The following PTPRN2 variants were observed in gnomAD, a reference collection of about 807,000 sequenced individuals.
The protein encoded by PTPRN2 is protein tyrosine phosphatase receptor type N2.
Under a neutral mutation model 118.8 loss-of-function variants are expected in PTPRN2, and 74 were observed. The observed-to-expected ratio is 0.62, with a 90% CI of 0.52 to 0.76. The LOEUF is 0.76. Ranked by LOEUF, PTPRN2 falls within the 30% of genes least tolerant of loss-of-function variation. The pLI is 0.00. For synonymous variants in PTPRN2, 641 were observed against 608.0 expected, an observed-to-expected ratio of 1.05 and a Z score of -0.80; for missense variants, 1,481 against 1,394.4, an observed-to-expected ratio of 1.06 and a Z score of -0.99.
Position 157,885,196 on chromosome 7 carries a change from T to C in PTPRN2, c.1788+13477A>G, listed in dbSNP as rs998558352. On this transcript the variant is annotated intron_variant, in intron 12 of 22. Transcript: ENST00000389418. ...CAGTGGCTGCCCTGATAAGTGATTA[T>C]GGAAAATGTGATGCCAGGGCGGTCT... Among the ~76,000 whole-genome samples the C allele has an allele frequency of 2.0e-4, 30 of 152,070 alleles. 1 individual carries two copies. The highest frequency in any genetic ancestry group is 7.2e-4 in the African/African-American group (30 of 41,392).
intron 2 of PTPRN2, among the ~76,000 whole-genome samples, chr7:158,363,620 C>T (rs747467875): frequency 3.3e-5 from 5 of 152,156 alleles, no homozygotes; most frequent in African/African-American, 9.7e-5. Context: ...GAGAGAACCG[C>T]GCATGCTGAT....
At chr7:158,387,615 G>A (rs572455865) in intron 2 of PTPRN2, among the ~76,000 whole-genome samples, 16 of 152,400 alleles carry the variant, frequency 1.0e-4, no homozygotes, top group South Asian at 2.1e-4. Flanking sequence ...AGCTGAAGGC[G>A]GAGAGCTGCT....
intron 11 of PTPRN2, among the ~76,000 whole-genome samples, chr7:157,980,254 G>A (rs1454494341): frequency 6.6e-6 from 1 of 152,232 alleles, no homozygotes; most frequent in African/African-American, 2.4e-5. Flanking sequence ...CTGCACACCA[G>A]AGGGTAATTC....
intron 10 of PTPRN2, among the ~76,000 whole-genome samples, chr7:158,091,571 T>C (rs1330493458): frequency 1.3e-5 from 2 of 151,838 alleles, no homozygotes; most frequent in Non-Finnish European, 2.9e-5. Flanking sequence ...CATGAATAGA[T>C]GGGTGCGTGA....
chr7:157,627,465 C>T lies in PTPRN2; in HGVS notation c.2197-5956G>A, dbSNP rs1346180896. 6.6e-6 allele frequency among the ~76,000 whole-genome samples: 1 copy of T among 152,174 alleles called. No homozygotes were observed. The highest frequency in any genetic ancestry group is 1.9e-4 in the East Asian group (1 of 5,188). The stretch of plus-strand genomic sequence containing the variant: ...ATCTCAGTCGATGCAGGCTGAAGTG[C>T]TTAGGGAAGTTGGAGTTGCTGTCTG... On this transcript the variant is annotated intron_variant, in intron 14 of 22. Transcript: ENST00000389418. This position sits in a 1 kb window ranked among gnomAD's most constrained non-coding sequence, Gnocchi z 4.2.
intron 12 of PTPRN2, among the ~76,000 whole-genome samples, chr7:157,827,327 G>T (rs1807240844): frequency 6.6e-6 from 1 of 151,790 alleles, no homozygotes; most frequent in African/African-American, 2.4e-5. Flanking sequence ...GTTTTGAGAG[G>T]TGGGCACCCA....
intron 6 of PTPRN2, among the ~76,000 whole-genome samples, chr7:158,145,996 T>G (rs916663194): frequency 6.6e-6 from 1 of 152,200 alleles, no homozygotes; most frequent in Non-Finnish European, 1.5e-5. Flanking sequence ...TGTAAGTGCT[T>G]AATAAATTAT....
At chr7:157,644,959 A>C (rs1804962038) in intron 14 of PTPRN2, among the ~76,000 whole-genome samples, 1 of 152,368 alleles carries the variant, frequency 6.6e-6, no homozygotes, top group African/African-American at 2.4e-5. Flanking sequence ...ACATCTGGAC[A>C]GGACAAGAAC....
intron 3 of PTPRN2, among the ~76,000 whole-genome samples, chr7:158,245,251 TGCTGG>T: frequency 6.9e-6 from 1 of 144,198 alleles, no homozygotes; most frequent in African/African-American, 2.8e-5. Context: ...TCCGTGGTCA[TGCTGG>T]AATCCACGGT....
At position 157,805,368 on chromosome 7, in the gene PTPRN2, G is replaced by A. The variant is rs78580124; in HGVS notation, c.1788+93305C>T. ...AGGTCTGAAGAAAAGGGAAAAGATCGCAGCTCATCAGGAATGAAAGGTGGC... is the reference window on the plus strand; with the variant it reads ...AGGTCTGAAGAAAAGGGAAAAGATCACAGCTCATCAGGAATGAAAGGTGGC... On this transcript the variant is annotated intron_variant, in intron 12 of 22. Transcript: ENST00000389418. 7.6e-3 allele frequency among the ~76,000 whole-genome samples: 1,155 copies of A among 151,684 alleles called. 38 individuals are homozygous for A. The South Asian group carries it at 0.1, about 14-fold the overall frequency.
intron 12 of PTPRN2, among the ~76,000 whole-genome samples, chr7:157,759,010 T>C (rs758955060): frequency 2.0e-5 from 3 of 152,244 alleles, no homozygotes; most frequent in African/African-American, 4.8e-5. Context: ...CTTTCCAAGT[T>C]ACACAAGTCA....
At chr7:158,487,010 G>A (rs1422589272) in intron 2 of PTPRN2, among the ~76,000 whole-genome samples, 2 of 152,132 alleles carry the variant, frequency 1.3e-5, no homozygotes, top group Non-Finnish European at 2.9e-5. Flanking sequence ...TACGTCACAT[G>A]CGTGGAATCA....
intron 11 of PTPRN2, among the ~76,000 whole-genome samples, chr7:158,053,649 C>T (rs1346877647): frequency 1.3e-5 from 2 of 152,118 alleles, no homozygotes; most frequent in East Asian, 1.9e-4. Flanking sequence ...GGCATTTGCC[C>T]GAAGCTGCTT....
chr7:157,758,393 C>T (rs574565001), intron 12 of PTPRN2, among the ~76,000 whole-genome samples: 27 of 152,230 alleles, frequency 1.8e-4, no homozygotes, highest in Non-Finnish European at 2.6e-4. Flanking sequence ...AAGGGCAAGA[C>T]CGGCTCAGAG....
chr7:158,300,568 G>A (rs564269841), intron 3 of PTPRN2, among the ~76,000 whole-genome samples: 1 of 151,846 alleles, frequency 6.6e-6, no homozygotes, highest in African/African-American at 2.4e-5. Flanking sequence ...CGCCTCGCCC[G>A]CCACCCAGTC....
chr7:157,884,600 C>T (rs2151293423), intron 12 of PTPRN2, among the ~76,000 whole-genome samples: 1 of 152,334 alleles, frequency 6.6e-6, no homozygotes, highest in Non-Finnish European at 1.5e-5. Flanking sequence ...AATGGACTCA[C>T]AGTTCCACGT....
At chr7:157,756,865 C>T (rs1359888796) in intron 12 of PTPRN2, among the ~76,000 whole-genome samples, 1 of 151,506 alleles carries the variant, frequency 6.6e-6, no homozygotes, top group Non-Finnish European at 1.5e-5. Flanking sequence ...CTTTCCATGT[C>T]ATTATTCCTC....
At chr7:158,074,764 C>T (rs1812216171) in intron 11 of PTPRN2, among the ~76,000 whole-genome samples, 1 of 152,194 alleles carries the variant, frequency 6.6e-6, no homozygotes, top group African/African-American at 2.4e-5. Flanking sequence ...TGCTCCCCAG[C>T]AGTGAGTCGG....
At position 157,868,840 on chromosome 7, in the gene PTPRN2, A is replaced by T. The variant is rs1454768396; in HGVS notation, c.1788+29833T>A. The T allele has an allele frequency of 6.6e-6, 1 of 152,238 alleles. No homozygotes were observed. The highest frequency in any genetic ancestry group is 6.5e-5 in the Admixed American group (1 of 15,280). 9.4% of individuals were successfully genotyped at this position (152,238 alleles called of 1,614,324 possible). Reference sequence around the variant, plus strand: ...GCTTGATCATCTGAGATGCCACCTCAGTCTTGGGGAACTCAAGGCCAGGAG... The same window carrying T: ...GCTTGATCATCTGAGATGCCACCTCTGTCTTGGGGAACTCAAGGCCAGGAG... On this transcript the variant is annotated intron_variant, in intron 12 of 22. Coordinates refer to ENST00000389418, the MANE Select transcript of PTPRN2 (RefSeq NM_002847.5). The surrounding 1 kb of genome is among the most constrained non-coding windows in gnomAD (Gnocchi z 5.2).
Sources: gnomAD v4.1 joint callset for allele counts (sites outside exome capture counted in the v4.1 genomes callset) on GRCh38, gnomAD v4.1.1 for gene constraint, Gnocchi (gnomAD v3.1) non-coding constraint, MANE v1.5 for transcripts, NCBI Gene and HGNC (gene_info 2026-07-23, HGNC 2026-07-21) for gene names.